The following CLN8 variants were observed in gnomAD, a reference collection of about 807,000 sequenced individuals.
CLN8 encodes CLN8 transmembrane ER and ERGIC protein.
Under a neutral mutation model 15.7 loss-of-function variants are expected in CLN8, and 14 were observed. The observed-to-expected ratio is 0.89, with a 90% CI of 0.59 to 1.39. CLN8 has a LOEUF of 1.39. CLN8 is among the 40% of genes most tolerant of loss of function. The probability of loss-of-function intolerance (pLI) is 0.00; values close to 1 mark genes in which losing one functional copy is unlikely to be tolerated. For missense variants in CLN8, 415 were observed against 364.0 expected (o/e 1.14, Z -1.14); for synonymous variants, 188 against 151.0 (o/e 1.25, Z -1.80).
At chr8:1,777,062 G>A (rs1414791665) in intron 2 of CLN8, among the ~76,000 whole-genome samples, 1 of 152,172 alleles carries the variant, frequency 6.6e-6, no homozygotes, top group Non-Finnish European at 1.5e-5. Flanking sequence ...TTGTCATCGA[G>A]TGGCCGTCAT....
chr8:1,770,078 A>G (rs1801238265), intron 1 of CLN8, among the ~76,000 whole-genome samples: 1 of 152,156 alleles, frequency 6.6e-6, no homozygotes, highest in Non-Finnish European at 1.5e-5. Context: ...GATCCTAGTT[A>G]ACACCCCAAA....
At chr8:1,753,917 T>G (rs115248850), upstream of CLN8, among the ~76,000 whole-genome samples, 306 of 152,018 alleles carry the variant, frequency 2.0e-3, 2 homozygotes, top group African/African-American at 6.6e-3. Flanking sequence ...AATTTCTCAT[T>G]CTCTTGCATA....
intron 1 of CLN8, among the ~76,000 whole-genome samples, chr8:1,769,817 G>A (rs1801226835): frequency 6.6e-6 from 1 of 152,162 alleles, no homozygotes; most frequent in South Asian, 2.1e-4. Flanking sequence ...AGGGCCCACT[G>A]TGGACCCAGT....
At position 1,771,252 on chromosome 8, in the gene CLN8, G is replaced by C; in HGVS notation, c.198G>C (p.Leu66=). The change falls in exon 2 of 3, where the codon CTG becomes CTC. Residue 66 remains leucine, a synonymous_variant. Coordinates refer to ENST00000331222, the MANE Select transcript of CLN8 (RefSeq NM_018941.4). ...CCAGAGAGAAGGTCTTCTGGGACCT[G>C]GCGGCCACGCGTGCAGTCTTTGGTG... ...LVAREKVFWD[L]AATRAVFGVQ... The C allele has an allele frequency of 6.2e-7, 1 of 1,613,604 alleles. No homozygotes were observed. Among genetic ancestry groups the C allele is most frequent in the Non-Finnish European group, 8.5e-7 (1 of 1,179,566 alleles).
At position 1,780,287 on chromosome 8, in the gene CLN8, A is replaced by G. The variant is rs386834133; in HGVS notation, c.581A>G (p.Gln194Arg). 1 of 1,614,260 alleles carries G rather than the reference A, an allele frequency of 6.2e-7. No homozygotes were observed. Among genetic ancestry groups the G allele is most frequent in the Non-Finnish European group, 8.5e-7 (1 of 1,180,038 alleles). ...GAGTCTCTGTTTTGGAAGCTCAACC[A>G]GTGGCTGATGATTCACATGTTTCAC... Reference protein sequence around the residue: ...WSESLFWKLNQWLMIHMFHCR... With the variant: ...WSESLFWKLNRWLMIHMFHCR... The change falls in exon 3 of 3, where the codon CAG (glutamine) becomes CGG (arginine). Residue 194 changes from glutamine to arginine, a missense_variant. Physicochemically the swap from Gln to Arg is conservative, Grantham distance 43. Coordinates refer to ENST00000331222, the MANE Select transcript of CLN8 (RefSeq NM_018941.4).
chr8:1,765,397 T>C (rs1448614135), intron 1 of CLN8, among the ~76,000 whole-genome samples: 1 of 152,252 alleles, frequency 6.6e-6, no homozygotes, highest in Non-Finnish European at 1.5e-5. Context: ...ATAGTGATGG[T>C]GCTTGGAGCT....
At chr8:1,755,492 C>T (rs1038624192), upstream of CLN8, among the ~76,000 whole-genome samples, 1 of 152,192 alleles carries the variant, frequency 6.6e-6, no homozygotes, top group Admixed American at 6.5e-5. Context: ...ATACAAGTGC[C>T]TCCCCCCGTT....
chr8:1,771,746 C>A, intron 2 of CLN8, 149 bp downstream of exon 2: 2 of 754,474 alleles, frequency 2.7e-6, no homozygotes, highest in Non-Finnish European at 4.4e-6. Flanking sequence ...ATGCAATATT[C>A]TGGTTTTGTT....
intron 1 of CLN8, among the ~76,000 whole-genome samples, chr8:1,767,998 A>G (rs923037373): frequency 6.6e-6 from 1 of 150,836 alleles, no homozygotes; most frequent in Admixed American, 6.6e-5. Context: ...GTTGAAGTGC[A>G]GTTGTGTGAT....
At chr8:1,774,012 G>T (rs935949823) in intron 2 of CLN8, 1 of 152,176 alleles carries the variant, frequency 6.6e-6, no homozygotes, top group Non-Finnish European at 1.5e-5. Context: ...TTTATTACAA[G>T]TTCTTTAAAA....
upstream of CLN8, chr8:1,760,056 G>C (rs1800756226): frequency 6.6e-6 from 1 of 152,052 alleles, no homozygotes; most frequent in Non-Finnish European, 1.5e-5. Context: ...ACAGTCCCCT[G>C]ACACCTCAAT....
At chr8:1,776,489 C>A (rs55953713) in intron 2 of CLN8, among the ~76,000 whole-genome samples, 6 of 151,456 alleles carry the variant, frequency 4.0e-5, no homozygotes, top group East Asian at 2.0e-4. Flanking sequence ...GAAATCTGTG[C>A]GGGCAGATGT....
intron 2 of CLN8, among the ~76,000 whole-genome samples, chr8:1,774,273 A>G (rs1457894244): frequency 6.6e-6 from 1 of 152,226 alleles, no homozygotes; most frequent in East Asian, 1.9e-4. Flanking sequence ...AGAAAGGGTT[A>G]TTTAAGTATT....
In CLN8 at chr8:1,781,976, TGTGTGA is replaced by T. The variant is rs1445831120; in HGVS notation, c.*1414_*1419del. 9.2e-5 allele frequency: 14 copies of T among 152,016 alleles called. No individual in the cohort carries two copies. The highest frequency in any genetic ancestry group is 3.4e-4 in the African/African-American group (14 of 41,376). 9.4% of individuals were successfully genotyped at this position (152,016 alleles called of 1,614,324 possible). Reference sequence around the variant, plus strand: ...AATTGTGTGTGTGTGTGTGTGTGTGTGTGTGAGTGTTTTGATATAAACGTGCAATTA... The same window carrying T: ...AATTGTGTGTGTGTGTGTGTGTGTGTGTGTTTTGATATAAACGTGCAATTA... On this transcript the variant is annotated 3_prime_UTR_variant, in exon 3 of 3. Transcript: ENST00000331222.
chr8:1,783,974 AC>A lies in CLN8; in HGVS notation c.*3408del, dbSNP rs1801769991. ...GGGCCGCTGTGACAAAACACCTAAGACTGGGTAGTTTATAAAGAACAGACAT... is the reference window on the plus strand; with the variant it reads ...GGGCCGCTGTGACAAAACACCTAAGATGGGTAGTTTATAAAGAACAGACAT... On this transcript the variant is annotated 3_prime_UTR_variant, in exon 3 of 3. Coordinates refer to ENST00000331222, the MANE Select transcript of CLN8 (RefSeq NM_018941.4). The A allele has an allele frequency of 6.6e-6, 1 of 152,160 alleles. No homozygotes were observed. The highest frequency in any genetic ancestry group is 6.5e-5 in the Admixed American group (1 of 15,270). The allele number at this position is 152,160 out of a possible 1,614,324, so 9.4% of individuals were successfully genotyped here.
At chr8:1,779,391 C>T (rs1017171013) in intron 2 of CLN8, among the ~76,000 whole-genome samples, 6 of 152,166 alleles carry the variant, frequency 3.9e-5, no homozygotes, top group Non-Finnish European at 7.4e-5. Context: ...TTACATGGTG[C>T]GCCACCATGC....
At chr8:1,758,292 C>A (rs1186548532) in intron 1 of CLN8, 8 of 150,850 alleles carry the variant, frequency 5.3e-5, no homozygotes, top group African/African-American at 2.0e-4. Flanking sequence ...TATACACGGC[C>A]CTTATTAAAG....
At chr8:1,753,145 G>T (rs911928295), upstream of CLN8, among the ~76,000 whole-genome samples, 1 of 152,200 alleles carries the variant, frequency 6.6e-6, no homozygotes, top group Non-Finnish European at 1.5e-5. Flanking sequence ...AATTACATAA[G>T]TTGGGAGGTT....
At chr8:1,776,764 G>A (rs554095562) in intron 2 of CLN8, among the ~76,000 whole-genome samples, 2 of 152,234 alleles carry the variant, frequency 1.3e-5, no homozygotes, top group Admixed American at 6.5e-5. Context: ...CCTGACTGCA[G>A]TGCACCCACA....
Sources: allele counts gnomAD v4.1 joint callset (sites outside exome capture counted in the v4.1 genomes callset), GRCh38; gene constraint gnomAD v4.1.1; transcripts MANE v1.5; gene names NCBI Gene and HGNC (gene_info 2026-07-23, HGNC 2026-07-21).